The following CLIC6 variants were observed in gnomAD, a reference collection of about 807,000 sequenced individuals.
The protein encoded by CLIC6 is chloride intracellular channel protein 6.
A neutral mutation model predicts 49.2 loss-of-function variants in CLIC6; 39 were observed. That is an observed-to-expected ratio of 0.79 (90% CI 0.61 to 1.04). The LOEUF (loss-of-function observed/expected upper bound fraction) is 1.04. CLIC6 is among the 50% of genes least tolerant of loss of function. The pLI is 0.00. For synonymous variants in CLIC6, 446 were observed against 433.4 expected (o/e 1.03, Z -0.36); for missense variants, 988 against 993.1 (o/e 0.99, Z 0.07).
chr21:34,716,210 A>G (rs980087791), intron 5 of CLIC6, 111 bp from the exon 6 acceptor site: 5 of 921,948 alleles, frequency 5.4e-6, no homozygotes, highest in Middle Eastern at 3.5e-4. Context: ...GTGGGATGAC[A>G]TGGGAAACTG....
At position 34,678,589 on chromosome 21, in the gene CLIC6, G is replaced by A. The variant is rs992488179; in HGVS notation, c.1374+7827G>A. ...GAAAGAACTGGCAGGTTCTTTCACAGTGAATAAGAAATATTTAAGACACTA... is the reference window on the plus strand; with the variant it reads ...GAAAGAACTGGCAGGTTCTTTCACAATGAATAAGAAATATTTAAGACACTA... On this transcript the variant is annotated intron_variant, in intron 1 of 5. Coordinates refer to ENST00000349499, the MANE Select transcript of CLIC6 (RefSeq NM_053277.3). Among the ~76,000 whole-genome samples the A allele has an allele frequency of 2.0e-5, 3 of 152,244 alleles. No homozygotes were observed. The East Asian group carries it at 5.8e-4, about 29-fold the overall frequency.
chr21:34,707,437 GCACACACACACA>G (rs10657933), intron 2 of CLIC6, 48 bp downstream of exon 2: 89,483 of 736,864 alleles, frequency 0.12, 4,101 homozygotes, highest in Non-Finnish European at 0.15. Flanking sequence ...CTAGTTCTCT[GCACACACACACA>G]CACACACACA....
At chr21:34,673,929 A>T (rs1156273935) in intron 1 of CLIC6, among the ~76,000 whole-genome samples, 1 of 152,124 alleles carries the variant, frequency 6.6e-6, no homozygotes, top group Admixed American at 6.5e-5. Flanking sequence ...TTTTGTGAAC[A>T]TGCCTAGATG....
intron 1 of CLIC6, among the ~76,000 whole-genome samples, chr21:34,675,753 T>G (rs1222470821): frequency 2.6e-5 from 4 of 152,202 alleles, no homozygotes; most frequent in Admixed American, 6.5e-5. Context: ...CACCTGCCAC[T>G]GCAGTGGGCT....
Position 34,716,473 on chromosome 21 carries a change from A to G in CLIC6, c.2052A>G (p.Arg684=). 1 of 1,609,676 alleles carries G rather than the reference A, an allele frequency of 6.2e-7. No individual in the cohort carries two copies. The highest frequency in any genetic ancestry group is 8.5e-7 in the Non-Finnish European group (1 of 1,178,294). ...IEHAYSDVAK[R]MK Reference sequence around the variant, plus strand: ...ACGCATATTCAGATGTTGCAAAAAGAATGAAATGAAGCTGGGCTGTTTTCT... The same window carrying G: ...ACGCATATTCAGATGTTGCAAAAAGGATGAAATGAAGCTGGGCTGTTTTCT... The change falls in exon 6 of 6, where the codon AGA becomes AGG. Residue 684 remains arginine, a synonymous_variant. Coordinates refer to ENST00000349499, the MANE Select transcript of CLIC6 (RefSeq NM_053277.3).
chr21:34,716,283 A>G (rs371456203), intron 5 of CLIC6, 38 bp from the exon 6 acceptor site: 80 of 1,583,834 alleles, frequency 5.1e-5, no homozygotes, highest in Non-Finnish European at 6.4e-5. Context: ...TACCTTAGCA[A>G]GTTTTCCCTT....
intron 1 of CLIC6, among the ~76,000 whole-genome samples, chr21:34,681,230 G>A (rs894087197): frequency 6.6e-6 from 1 of 152,228 alleles, no homozygotes; most frequent in Admixed American, 6.5e-5. Flanking sequence ...GCTGAGTGAA[G>A]GCGGAAGCCA....
At chr21:34,692,511 G>T (rs1249938039) in intron 1 of CLIC6, among the ~76,000 whole-genome samples, 1 of 152,172 alleles carries the variant, frequency 6.6e-6, no homozygotes. Context: ...TCTTTTAAAA[G>T]GAAGTGTTCT....
intron 1 of CLIC6, among the ~76,000 whole-genome samples, chr21:34,697,541 G>A (rs1990109521): frequency 6.6e-6 from 1 of 152,114 alleles, no homozygotes; most frequent in Non-Finnish European, 1.5e-5. Context: ...TTTCATTAGC[G>A]AGGAGCAAAG....
At chr21:34,679,354 T>A (rs1989733274) in intron 1 of CLIC6, among the ~76,000 whole-genome samples, 1 of 152,166 alleles carries the variant, frequency 6.6e-6, no homozygotes, top group South Asian at 2.1e-4. Flanking sequence ...TCTCTCATGG[T>A]TCAATTATCT....
At chr21:34,709,820 G>A (rs1156958898) in intron 5 of CLIC6, among the ~76,000 whole-genome samples, 1 of 152,196 alleles carries the variant, frequency 6.6e-6, no homozygotes, top group African/African-American at 2.4e-5. Context: ...GCAGCCTGAG[G>A]AATTTCGTAG....
At chr21:34,696,836 A>C (rs777261633) in intron 1 of CLIC6, among the ~76,000 whole-genome samples, 5 of 152,220 alleles carry the variant, frequency 3.3e-5, no homozygotes, top group African/African-American at 1.2e-4. Context: ...ATTTTGAGAA[A>C]TGCATGTAAT....
Position 34,685,562 on chromosome 21 carries a change from C to T in CLIC6, c.1374+14800C>T, listed in dbSNP as rs80347145. Among the ~76,000 whole-genome samples the T allele has an allele frequency of 3.4e-3, 515 of 152,202 alleles. 1 individual carries two copies. The highest frequency in any genetic ancestry group is 0.012 in the African/African-American group (480 of 41,510). ...AGCTTTGTTCTCTTTGTTTTAACTC[C>T]GGGTTGGATGTCTTCAACTCTCTTC... On this transcript the variant is annotated intron_variant, in intron 1 of 5. Coordinates refer to ENST00000349499, the MANE Select transcript of CLIC6 (RefSeq NM_053277.3).
At chr21:34,676,143 C>G (rs890779931) in intron 1 of CLIC6, among the ~76,000 whole-genome samples, 1 of 152,208 alleles carries the variant, frequency 6.6e-6, no homozygotes, top group African/African-American at 2.4e-5. Flanking sequence ...TATCCCATTT[C>G]CTTGAATATC....
chr21:34,684,891 A>C (rs1462923617), intron 1 of CLIC6, among the ~76,000 whole-genome samples: 2 of 152,340 alleles, frequency 1.3e-5, no homozygotes, highest in East Asian at 1.9e-4. Context: ...GAGGCAACAC[A>C]GTGCTGATGA....
Position 34,670,247 on chromosome 21 carries a change from G to A in CLIC6, c.859G>A (p.Gly287Arg), listed in dbSNP as rs1989524300. ...GDSMDAEGPAGRARRVSGEPQ... is the reference protein window; with the variant it reads ...GDSMDAEGPARRARRVSGEPQ... ...CAGCATGGACGCCGAGGGTCCGGCA[G>A]GAAGGGCGCGCCGGGTCTCGGGTGA... is the stretch of plus-strand genomic sequence containing the variant. Residue 287 changes from glycine to arginine, a missense_variant, in exon 1 of 6, where the codon GGA (glycine) becomes AGA (arginine). Physicochemically the swap from Gly to Arg is moderately radical, Grantham distance 125. This residue lies in a region of CLIC6 where 647 missense variants were observed against 596.9 expected (regional missense o/e 1.08). Coordinates refer to ENST00000349499, the MANE Select transcript of CLIC6 (RefSeq NM_053277.3). 7.0e-7 allele frequency: 1 copy of A among 1,429,982 alleles called. No individual in the cohort carries two copies. 88.6% of individuals were successfully genotyped at this position (1,429,982 alleles called of 1,614,324 possible).
chr21:34,701,476 A>G lies in CLIC6; in HGVS notation c.1375-5804A>G, dbSNP rs1483141258. 3.3e-5 allele frequency among the ~76,000 whole-genome samples: 5 copies of G among 152,266 alleles called. No individual in the cohort carries two copies. In the South Asian group the frequency reaches 8.3e-4, roughly 25 times the overall value. ...TAATGATGATGATGTTGATGATGAT[A>G]ATGACAATAATAGCTACCTTTATTG... On this transcript the variant is annotated intron_variant, in intron 1 of 5. Transcript: ENST00000349499.
At chr21:34,709,574 C>G (rs781602568) in intron 5 of CLIC6, 36 bp downstream of exon 5, 1 of 1,571,282 alleles carries the variant, frequency 6.4e-7, no homozygotes, top group South Asian at 1.1e-5. Flanking sequence ...GCCGAGTACA[C>G]GAACGGGGCT....
At chr21:34,681,999 T>C (rs1989787972) in intron 1 of CLIC6, among the ~76,000 whole-genome samples, 1 of 152,244 alleles carries the variant, frequency 6.6e-6, no homozygotes, top group Admixed American at 6.5e-5. Context: ...TCAGTGCCTC[T>C]AGCTCTGTCA....
Sources: gnomAD v4.1 joint callset for allele counts (sites outside exome capture counted in the v4.1 genomes callset) on GRCh38, gnomAD v4.1.1 for gene constraint, gnomAD v4.1.1 regional missense constraint, MANE v1.5 for transcripts, NCBI Gene and HGNC (gene_info 2026-07-23, HGNC 2026-07-21) for gene names.